ARID4B: variants seen among roughly 807,000 people sequenced by gnomAD.
ARID4B encodes the protein AT-rich interactive domain-containing protein 4B.
A neutral mutation model predicts 147.5 loss-of-function variants in ARID4B; 26 were observed. The ratio of observed to expected loss-of-function variants is 0.18; its 90% confidence interval spans 0.13 to 0.24. The LOEUF (loss-of-function observed/expected upper bound fraction) is 0.24. ARID4B is among the 10% of genes least tolerant of loss of function. ARID4B has a pLI of 1.00. For missense variants in ARID4B, 1,179 were observed against 1,511.5 expected (o/e 0.78, Z 3.65); for synonymous variants, 512 against 507.9 (o/e 1.01, Z -0.11).
At chr1:235,174,187 G>A (rs552368272) in intron 22 of ARID4B, among the ~76,000 whole-genome samples, 2 of 151,852 alleles carry the variant, frequency 1.3e-5, no homozygotes, top group South Asian at 2.1e-4. Flanking sequence ...CTACAAGCGC[G>A]TGCCACCACG....
chr1:235,291,422 T>C (rs909422330), intron 2 of ARID4B, among the ~76,000 whole-genome samples: 1 of 151,484 alleles, frequency 6.6e-6, no homozygotes, highest in African/African-American at 2.4e-5. Context: ...AAATAATAAA[T>C]AAATAAATAA....
Position 235,181,782 on chromosome 1 carries a change from G to A in ARID4B, c.3137C>T (p.Thr1046Ile). 1 of 1,614,156 alleles carries A rather than the reference G, an allele frequency of 6.2e-7. No homozygotes were observed. The highest frequency in any genetic ancestry group is 1.3e-5 in the African/African-American group (1 of 75,038). Reference protein sequence around the residue: ...TEGSRQQSSVTVSEPLAPNQE... With the variant: ...TEGSRQQSSVIVSEPLAPNQE... ...GTTTGGAGCCAGTGGTTCTGATACT[G>A]TTACAGAAGACTGCTGCCGGCTGCC... The change falls in exon 20 of 24, where the codon ACA (threonine) becomes ATA (isoleucine). Residue 1046 changes from threonine (T) to isoleucine (I), a missense_variant. Physicochemically the swap from Thr to Ile is moderately conservative, Grantham distance 89. Coordinates refer to ENST00000264183, the MANE Select transcript of ARID4B (RefSeq NM_016374.6).
intron 2 of ARID4B, among the ~76,000 whole-genome samples, chr1:235,264,376 A>G (rs1236084835): frequency 6.6e-6 from 1 of 152,232 alleles, no homozygotes; most frequent in Admixed American, 6.5e-5. Context: ...AATCAAATCC[A>G]TAACTGAGGT....
intron 2 of ARID4B, among the ~76,000 whole-genome samples, chr1:235,285,232 T>C (rs1398472640): frequency 6.6e-6 from 1 of 152,194 alleles, no homozygotes; most frequent in African/African-American, 2.4e-5. Flanking sequence ...AATTCTAGCA[T>C]GTAGAATCCA....
intron 5 of ARID4B, among the ~76,000 whole-genome samples, chr1:235,255,187 A>C (rs1000481991): frequency 6.7e-6 from 1 of 148,204 alleles, no homozygotes; most frequent in African/African-American, 2.5e-5. Context: ...AACTATTATA[A>C]AATACACTAC....
chr1:235,183,842 G>C (rs1012031850), intron 19 of ARID4B, among the ~76,000 whole-genome samples: 1 of 151,508 alleles, frequency 6.6e-6, no homozygotes, highest in African/African-American at 2.4e-5. Flanking sequence ...CTGTTCCCCA[G>C]GCACTATCAT....
chr1:235,292,024 T>G (rs1409136796), intron 2 of ARID4B, among the ~76,000 whole-genome samples: 1 of 152,236 alleles, frequency 6.6e-6, no homozygotes, highest in Non-Finnish European at 1.5e-5. Flanking sequence ...TATATTCTTT[T>G]ATAAGTATTT....
chr1:235,305,361 C>T (rs922188400), intron 2 of ARID4B, among the ~76,000 whole-genome samples: 20 of 152,142 alleles, frequency 1.3e-4, no homozygotes, highest in Non-Finnish European at 2.4e-4. Context: ...TCCTCCCTCT[C>T]GATACACACA....
chr1:235,221,886 ATTTTTTTTTTTTTTTTTTTTTTT>A (rs768600040), intron 13 of ARID4B, among the ~76,000 whole-genome samples: 12 of 53,636 alleles, frequency 2.2e-4, no homozygotes, highest in Non-Finnish European at 3.5e-4. Flanking sequence ...TCATTTGACT[ATTTTTTTTTTTTTTTTTTTTTTT>A]TTTTTTTTTT....
intron 17 of ARID4B, among the ~76,000 whole-genome samples, chr1:235,197,135 A>G (rs1665562664): frequency 6.6e-6 from 1 of 152,148 alleles, no homozygotes; most frequent in Non-Finnish European, 1.5e-5. Flanking sequence ...AAAAAAAAAG[A>G]ATGACAGTTT....
At chr1:235,228,338 C>G (rs1364792604) in intron 11 of ARID4B, 2 of 142,034 alleles carry the variant, frequency 1.4e-5, no homozygotes, top group East Asian at 4.0e-4. Context: ...CTCTGTCACC[C>G]AGGATGTAGG....
intron 2 of ARID4B, among the ~76,000 whole-genome samples, chr1:235,294,823 T>C (rs1233338767): frequency 6.6e-6 from 1 of 151,572 alleles, no homozygotes; most frequent in Admixed American, 6.6e-5. Flanking sequence ...CATATCTTTT[T>C]AAAAATATGC....
At chr1:235,318,714 C>T (rs1284196789) in intron 2 of ARID4B, among the ~76,000 whole-genome samples, 1 of 151,946 alleles carries the variant, frequency 6.6e-6, no homozygotes, top group African/African-American at 2.4e-5. Context: ...GACTTCACTA[C>T]TACAAAAAAT....
In ARID4B at chr1:235,310,985, G is replaced by A. The variant is rs929435006; in HGVS notation, c.6+15929C>T. On this transcript the variant is annotated intron_variant, in intron 2 of 23. Transcript: ENST00000264183. Reference sequence around the variant, plus strand: ...CGCACCCGGCCCCCAAAATTAACCTGTCTAATCAATGCTAACAGGGATCCC... The same window carrying A: ...CGCACCCGGCCCCCAAAATTAACCTATCTAATCAATGCTAACAGGGATCCC... Among the ~76,000 whole-genome samples, 5 of 152,052 alleles carry A rather than the reference G, an allele frequency of 3.3e-5. No homozygotes were observed. In the South Asian group the frequency reaches 1.0e-3, roughly 31 times the overall value.
At chr1:235,177,592 A>G in intron 21 of ARID4B, 1 of 437,514 alleles carries the variant, frequency 2.3e-6, no homozygotes, top group East Asian at 3.7e-5. Flanking sequence ...CATCATTTAC[A>G]TTAGGTATTT....
intron 23 of ARID4B, among the ~76,000 whole-genome samples, chr1:235,169,402 G>A (rs1376410261): frequency 6.0e-5 from 9 of 150,912 alleles, no homozygotes; most frequent in South Asian, 2.1e-4. Context: ...CACCACGCCC[G>A]GCTAATTTTT....
At chr1:235,262,563 T>C (rs1451379540) in intron 2 of ARID4B, among the ~76,000 whole-genome samples, 1 of 152,170 alleles carries the variant, frequency 6.6e-6, no homozygotes, top group Non-Finnish European at 1.5e-5. Context: ...CTACCTGCCT[T>C]AGGTCTCTTA....
intron 16 of ARID4B, among the ~76,000 whole-genome samples, chr1:235,215,464 A>G (rs1030168696): frequency 6.6e-6 from 1 of 151,504 alleles, no homozygotes; most frequent in African/African-American, 2.4e-5. Context: ...TGTAAAATAC[A>G]TGATATATTA....
chr1:235,278,598 A>T (rs1451234070), intron 2 of ARID4B, among the ~76,000 whole-genome samples: 3 of 152,234 alleles, frequency 2.0e-5, no homozygotes, highest in Non-Finnish European at 2.9e-5. Context: ...CACACAAAAA[A>T]TAGTGAACTG....
Sources: gnomAD v4.1 joint callset for allele counts (sites outside exome capture counted in the v4.1 genomes callset) on GRCh38, gnomAD v4.1.1 for gene constraint, MANE v1.5 for transcripts, NCBI Gene and HGNC (gene_info 2026-07-23, HGNC 2026-07-21) for gene names.